HIF3A: variants seen among roughly 807,000 people sequenced by gnomAD.
The protein encoded by HIF3A is hypoxia inducible factor 3 subunit alpha.
Under a neutral mutation model 67.2 loss-of-function variants are expected in HIF3A, and 41 were observed. The observed-to-expected ratio is 0.61, with a 90% CI of 0.48 to 0.79. HIF3A has a LOEUF of 0.79. Ranked by LOEUF, HIF3A falls within the 30% of genes least tolerant of loss-of-function variation. The probability of loss-of-function intolerance (pLI) is 0.00; values close to 1 mark genes in which losing one functional copy is unlikely to be tolerated. For synonymous variants in HIF3A, 356 were observed against 374.8 expected, an observed-to-expected ratio of 0.95 and a Z score of 0.58; for missense variants, 855 against 898.0, an observed-to-expected ratio of 0.95 and a Z score of 0.61.
At chr19:46,331,685 G>C (rs561187892) in intron 13 of HIF3A, among the ~76,000 whole-genome samples, 1 of 151,344 alleles carries the variant, frequency 6.6e-6, no homozygotes, top group South Asian at 2.1e-4. Context: ...GAGATACCCC[G>C]TCTCTACTAA....
chr19:46,315,942 C>T (rs1398684194), intron 8 of HIF3A, among the ~76,000 whole-genome samples: 1 of 151,282 alleles, frequency 6.6e-6, no homozygotes, highest in African/African-American at 2.4e-5. Context: ...AAGAAAGAAA[C>T]AGCCAGGACA....
intron 8 of HIF3A, among the ~76,000 whole-genome samples, chr19:46,318,380 T>C (rs1218856778): frequency 1.3e-5 from 2 of 151,356 alleles, no homozygotes; most frequent in African/African-American, 4.8e-5. Flanking sequence ...GGAGACCCCA[T>C]CTTTACAAAT....
intron 2 of HIF3A, 26 bp downstream of exon 2, chr19:46,304,114 G>A: frequency 1.9e-6 from 3 of 1,539,252 alleles, no homozygotes; most frequent in South Asian, 1.2e-5. Flanking sequence ...GGGAATTCCC[G>A]TCTTGGTCAG....
At chr19:46,298,446 T>G (rs892029299) in intron 1 of HIF3A, 1 of 1,285,680 alleles carries the variant, frequency 7.8e-7, no homozygotes, top group East Asian at 5.7e-5. Context: ...CGCACCCGGG[T>G]CCTGGCTGCA....
intron 14 of HIF3A, 88 bp downstream of exon 14, chr19:46,335,074 G>A: frequency 1.0e-6 from 1 of 1,002,664 alleles, no homozygotes; most frequent in Non-Finnish European, 1.5e-6. Context: ...AAGGTGCTGG[G>A]GGACTGTCAG....
At position 46,329,286 on chromosome 19, in the gene HIF3A, A is replaced by G. The variant is rs1409075714; in HGVS notation, c.1520A>G (p.Gln507Arg). 6.2e-7 allele frequency: 1 copy of G among 1,613,388 alleles called. No individual in the cohort carries two copies. Among genetic ancestry groups the G allele is most frequent in the Non-Finnish European group, 8.5e-7 (1 of 1,179,954 alleles). The change falls in exon 12 of 15, where the codon CAG becomes CGG. Residue 507 changes from glutamine to arginine, a missense_variant. Transcript: ENST00000377670. ...GACTTCCAGCTCAACGCCAGCGAGCAGCTACCCAGGGCCTACCACAGACCT... is the reference window on the plus strand; with the variant it reads ...GACTTCCAGCTCAACGCCAGCGAGCGGCTACCCAGGGCCTACCACAGACCT... ...DDDFQLNASE[Q>R]LPRAYHRPLG...
intron 12 of HIF3A, 59 bp downstream of exon 12, chr19:46,329,537 G>A: frequency 6.9e-7 from 1 of 1,440,078 alleles, no homozygotes; most frequent in East Asian, 2.6e-5. Context: ...TCTTGCCCCT[G>A]CCTCCTGCTT....
At chr19:46,304,461 T>C (rs1160435767) in intron 2 of HIF3A, among the ~76,000 whole-genome samples, 1 of 152,046 alleles carries the variant, frequency 6.6e-6, no homozygotes, top group East Asian at 1.9e-4. Context: ...TCATAATATA[T>C]CCACTGGGAG....
At chr19:46,307,576 C>T (rs1018679522) in intron 3 of HIF3A, among the ~76,000 whole-genome samples, 7 of 152,000 alleles carry the variant, frequency 4.6e-5, no homozygotes, top group South Asian at 2.1e-4. Context: ...GGTGAAACCC[C>T]GTCTCTACTA....
At chr19:46,322,432 TC>T (rs1970442948) in intron 10 of HIF3A, among the ~76,000 whole-genome samples, 1 of 151,984 alleles carries the variant, frequency 6.6e-6, no homozygotes, top group Non-Finnish European at 1.5e-5. Flanking sequence ...CTCCAGAATT[TC>T]TTTTTTATTT....
At chr19:46,334,770 C>T (rs958154489) in intron 13 of HIF3A, 135 bp from the exon 14 acceptor site, 19 of 612,044 alleles carry the variant, frequency 3.1e-5, no homozygotes, top group African/African-American at 3.0e-4. Flanking sequence ...TGGTCTCAAA[C>T]GTTTGGGCTT....
chr19:46,316,902 A>T, intron 8 of HIF3A, among the ~76,000 whole-genome samples: 1 of 152,060 alleles, frequency 6.6e-6, no homozygotes, highest in East Asian at 1.9e-4. Flanking sequence ...GTTTTTCTAG[A>T]TCTGGAGGAA....
At chr19:46,317,595 C>T (rs1970019011) in intron 8 of HIF3A, among the ~76,000 whole-genome samples, 1 of 152,106 alleles carries the variant, frequency 6.6e-6, no homozygotes, top group South Asian at 2.1e-4. Context: ...CCCGCTCATC[C>T]TTCCAGTCTC....
intron 14 of HIF3A, among the ~76,000 whole-genome samples, chr19:46,337,256 G>C (rs1377914160): frequency 6.6e-6 from 1 of 151,752 alleles, no homozygotes; most frequent in African/African-American, 2.4e-5. Flanking sequence ...ATCTTTTTTG[G>C]GGTGTGGGGG....
intron 11 of HIF3A, 34 bp from the exon 12 acceptor site, chr19:46,329,173 G>T (rs1349048269): frequency 3.2e-6 from 5 of 1,559,090 alleles, no homozygotes; most frequent in Non-Finnish European, 4.4e-6. Context: ...CAAGTCCAAG[G>T]CTCATCCTCT....
chr19:46,308,567 A>G (rs1969116983), intron 4 of HIF3A, 96 bp from the exon 5 acceptor site: 2 of 725,408 alleles, frequency 2.8e-6, no homozygotes, highest in Non-Finnish European at 4.5e-6. Context: ...AATTGTTGGG[A>G]TGGAGCTGGG....
intron 8 of HIF3A, chr19:46,320,122 C>G (rs1471025264): frequency 9.3e-6 from 2 of 214,620 alleles, no homozygotes; most frequent in African/African-American, 4.7e-5. Context: ...CCCAGCTACT[C>G]GGAAGGCTGA....
chr19:46,337,409 C>T (rs947529478), intron 14 of HIF3A, among the ~76,000 whole-genome samples: 1 of 152,080 alleles, frequency 6.6e-6, no homozygotes, highest in Non-Finnish European at 1.5e-5. Flanking sequence ...GCTGGGACTA[C>T]AAGTGCGCTT....
At position 46,308,302 on chromosome 19, in the gene HIF3A, C is replaced by G. The variant is rs751059329; in HGVS notation, c.445C>G (p.Gln149Glu). ...EELQDALTPQ[Q>E]TLSRRKVEAP... ...GCTTCAGGACGCCCTGACCCCCCAG[C>G]AGAGTGAGTTCCCTGGAGGCCTCTG... Residue 149 changes from glutamine (Q) to glutamate (E), a missense_variant, in exon 4 of 15, where the codon CAG becomes GAG. Physicochemically the swap from Gln to Glu is conservative, Grantham distance 29. Around this residue, in one of 3 missense-constraint regions of HIF3A, gnomAD observed 638 missense variants for 660.5 expected, o/e 0.97. Coordinates refer to ENST00000377670, the MANE Select transcript of HIF3A (RefSeq NM_152795.4). 6.2e-7 allele frequency: 1 copy of G among 1,605,750 alleles called. No individual in the cohort carries two copies. The highest frequency in any genetic ancestry group is 8.5e-7 in the Non-Finnish European group (1 of 1,174,006).
Sources: gnomAD v4.1 joint callset for allele counts (sites outside exome capture counted in the v4.1 genomes callset) on GRCh38, gnomAD v4.1.1 for gene constraint, gnomAD v4.1.1 regional missense constraint, MANE v1.5 for transcripts, NCBI Gene and HGNC (gene_info 2026-07-23, HGNC 2026-07-21) for gene names.